EPHA6: variants seen among roughly 807,000 people sequenced by gnomAD.
EPHA6 encodes ephrin type-A receptor 6.
Under a neutral mutation model 112.0 loss-of-function variants are expected in EPHA6, and 50 were observed. That is an observed-to-expected ratio of 0.45 (90% confidence interval 0.36 to 0.56). The LOEUF (loss-of-function observed/expected upper bound fraction) is 0.56, where lower values mean the gene tolerates loss of function less well. Ranked by LOEUF, EPHA6 falls within the 20% of genes least tolerant of loss-of-function variation. The probability of loss-of-function intolerance (pLI) is 0.00; values close to 1 mark genes in which losing one functional copy is unlikely to be tolerated. For missense variants in EPHA6, 1,280 were observed against 1,417.4 expected (o/e 0.90, Z 1.56); for synonymous variants, 529 against 490.7 (o/e 1.08, Z -1.03).
intron 14 of EPHA6, among the ~76,000 whole-genome samples, chr3:97,664,654 A>T (rs910453627): frequency 5.3e-5 from 8 of 152,218 alleles, no homozygotes; most frequent in African/African-American, 1.9e-4. Context: ...TGCATAAATC[A>T]CAATCATTCT....
chr3:96,962,229 G>A (rs2041970689), intron 2 of EPHA6, among the ~76,000 whole-genome samples: 1 of 151,982 alleles, frequency 6.6e-6, no homozygotes, highest in Non-Finnish European at 1.5e-5. Context: ...GAGCTTTGAT[G>A]GCATCTCCCA....
At chr3:97,130,043 G>A (rs2048296468) in intron 3 of EPHA6, among the ~76,000 whole-genome samples, 1 of 152,008 alleles carries the variant, frequency 6.6e-6, no homozygotes, top group African/African-American at 2.4e-5. Flanking sequence ...AAACTAAAAT[G>A]GAACTTCAAG....
At chr3:97,202,205 C>T (rs566213880) in intron 3 of EPHA6, among the ~76,000 whole-genome samples, 1 of 152,112 alleles carries the variant, frequency 6.6e-6, no homozygotes, top group African/African-American at 2.4e-5. Flanking sequence ...AAGGTAGGCT[C>T]TCTTTCTGTG....
intron 14 of EPHA6, among the ~76,000 whole-genome samples, chr3:97,678,451 G>A (rs562334650): frequency 1.2e-4 from 19 of 152,258 alleles, no homozygotes; most frequent in Admixed American, 5.9e-4. Flanking sequence ...AGCGCTTCCT[G>A]TGGTGAATGA....
chr3:96,823,241 T>C (rs1296431506), intron 1 of EPHA6, among the ~76,000 whole-genome samples: 2 of 151,772 alleles, frequency 1.3e-5, no homozygotes, highest in Non-Finnish European at 3.0e-5. Context: ...ATTCTGAGAA[T>C]TGATATCTCA....
At chr3:97,418,141 A>G (rs1402922817) in intron 6 of EPHA6, among the ~76,000 whole-genome samples, 1 of 151,498 alleles carries the variant, frequency 6.6e-6, no homozygotes, top group Non-Finnish European at 1.5e-5. Context: ...ATAAAATTAA[A>G]TATATAATTA....
intron 1 of EPHA6, among the ~76,000 whole-genome samples, chr3:96,838,580 T>C (rs1395262876): frequency 6.6e-6 from 1 of 152,130 alleles, no homozygotes; most frequent in Admixed American, 6.6e-5. Flanking sequence ...GACTTTTTAG[T>C]GGTACCCAGA....
intron 2 of EPHA6, among the ~76,000 whole-genome samples, chr3:96,888,848 A>G (rs937251929): frequency 1.3e-5 from 2 of 152,212 alleles, no homozygotes; most frequent in Admixed American, 1.3e-4. Context: ...TCCTCAGAAA[A>G]CAGGATTTTC....
intron 1 of EPHA6, among the ~76,000 whole-genome samples, chr3:96,847,067 A>G: frequency 6.6e-6 from 1 of 152,048 alleles, no homozygotes; most frequent in East Asian, 1.9e-4. Flanking sequence ...TCCATCAGAA[A>G]ATGCTAACTG....
intron 14 of EPHA6, among the ~76,000 whole-genome samples, chr3:97,691,474 C>T (rs1336337831): frequency 6.6e-6 from 1 of 152,102 alleles, no homozygotes. Context: ...TATTTTTAGC[C>T]CCTTTTTTCT....
intron 5 of EPHA6, chr3:97,244,637 C>A: frequency 3.2e-6 from 1 of 313,764 alleles, no homozygotes. Context: ...TTCAATTGCC[C>A]CACTTATGCT....
chr3:97,396,876 A>G (rs1168380701), intron 5 of EPHA6, among the ~76,000 whole-genome samples: 3 of 151,840 alleles, frequency 2.0e-5, no homozygotes, highest in African/African-American at 7.2e-5. Context: ...CCACATAAGC[A>G]TAAGAAAATA....
rs66581386 is a variant in EPHA6 at position 96,994,709 on chromosome 3, G to GTATATATATA, written c.1114+6731_1114+6740dup. On this transcript the variant is annotated intron_variant, in intron 3 of 17. Transcript: ENST00000389672. ...TGTGTGTGTATGTGTGTGTGTGTGT[G>GTATATATATA]TATATATATATATATATATATATAG... Among the ~76,000 whole-genome samples the GTATATATATA allele has an allele frequency of 1.9e-3, 184 of 98,394 alleles. 2 individuals carry two copies. The highest frequency in any genetic ancestry group is 9.6e-3 in the Admixed American group (81 of 8,464). 64.6% of individuals were successfully genotyped at this position (98,394 alleles called of 152,430 possible).
At chr3:96,880,691 TC>T (rs910479842) in intron 2 of EPHA6, among the ~76,000 whole-genome samples, 6 of 151,992 alleles carry the variant, frequency 3.9e-5, no homozygotes, top group African/African-American at 1.4e-4. Context: ...CCATTCTTCC[TC>T]CCCCCACCTC....
At chr3:96,971,659 G>T (rs1014135646) in intron 2 of EPHA6, among the ~76,000 whole-genome samples, 3 of 152,074 alleles carry the variant, frequency 2.0e-5, no homozygotes, top group Non-Finnish European at 4.4e-5. Context: ...CTTTGATACA[G>T]AATATTAGAT....
chr3:97,439,205 A>C (rs1307025495), intron 6 of EPHA6, among the ~76,000 whole-genome samples: 2 of 152,144 alleles, frequency 1.3e-5, no homozygotes, highest in Non-Finnish European at 2.9e-5. Flanking sequence ...ATGCATTTCA[A>C]AGTGATTTGG....
intron 14 of EPHA6, among the ~76,000 whole-genome samples, chr3:97,690,469 C>CTT (rs149089843): frequency 2.1e-5 from 3 of 142,450 alleles, no homozygotes; most frequent in Admixed American, 1.4e-4. Flanking sequence ...ACTTTTCGCC[C>CTT]TTTTTTTTTT....
rs1253491493 is a variant in EPHA6, at chr3:96,990,847, CA to C, written c.1114+2858del. Among the ~76,000 whole-genome samples, 4 of 151,976 alleles carry C rather than the reference CA, an allele frequency of 2.6e-5. No individual in the cohort carries two copies. The South Asian group carries it at 8.3e-4, about 32-fold the overall frequency. ...AAAAAATCTCTGAATTACATATAAT[CA>C]AAAGGTCAAACTAATTCAAACTTAT... On this transcript the variant is annotated intron_variant, in intron 3 of 17. Transcript: ENST00000389672.
chr3:97,214,481 CAAA>C (rs1166034294), intron 3 of EPHA6, among the ~76,000 whole-genome samples: 3 of 63,024 alleles, frequency 4.8e-5, no homozygotes, highest in Admixed American at 1.9e-4. Flanking sequence ...AACTTTGTCT[CAAA>C]AAAAAAAAAA....
Sources: gnomAD v4.1 joint callset for allele counts (sites outside exome capture counted in the v4.1 genomes callset) on GRCh38, gnomAD v4.1.1 for gene constraint, MANE v1.5 for transcripts, NCBI Gene and HGNC (gene_info 2026-07-23, HGNC 2026-07-21) for gene names.